The following RIMS2 variants were observed in gnomAD, a reference collection of about 807,000 sequenced individuals.
RIMS2 encodes regulating synaptic membrane exocytosis 2, also known as regulating synaptic membrane exocytosis protein 2.
Under a neutral mutation model 174.4 loss-of-function variants are expected in RIMS2, and 59 were observed. The ratio of observed to expected loss-of-function variants is 0.34; its 90% CI spans 0.27 to 0.42. RIMS2 has a LOEUF of 0.42. Ranked by LOEUF, RIMS2 falls within the 10% of genes least tolerant of loss-of-function variation. RIMS2 has a pLI of 1.00. For synonymous variants in RIMS2, 606 were observed against 572.5 expected, an observed-to-expected ratio of 1.06 and a Z score of -0.84; for missense variants, 1,620 against 1,666.3, an observed-to-expected ratio of 0.97 and a Z score of 0.48.
intron 16 of RIMS2, among the ~76,000 whole-genome samples, chr8:103,986,000 A>T (rs1316800487): frequency 6.6e-6 from 1 of 152,190 alleles, no homozygotes; most frequent in Non-Finnish European, 1.5e-5. Flanking sequence ...TTTCACTTAG[A>T]CAAGAGGAAT....
intron 20 of RIMS2, among the ~76,000 whole-genome samples, chr8:104,247,487 T>C (rs2099342042): frequency 6.6e-6 from 1 of 152,210 alleles, no homozygotes; most frequent in South Asian, 2.1e-4. Flanking sequence ...ACCTTCTCTC[T>C]TTAAAGGGCC....
chr8:103,516,222 A>G (rs1287194146), intron 1 of RIMS2, among the ~76,000 whole-genome samples: 3 of 152,118 alleles, frequency 2.0e-5, no homozygotes, highest in Non-Finnish European at 4.4e-5. Flanking sequence ...CCATAGCTTT[A>G]TGTGCTAACT....
At chr8:103,853,562 T>C (rs1031589592) in intron 3 of RIMS2, among the ~76,000 whole-genome samples, 2 of 152,056 alleles carry the variant, frequency 1.3e-5, no homozygotes, top group African/African-American at 4.8e-5. Flanking sequence ...TTTTTGCATA[T>C]GGTGAAAGGT....
At chr8:104,085,693 C>T (rs1016613610) in intron 19 of RIMS2, among the ~76,000 whole-genome samples, 1 of 152,082 alleles carries the variant, frequency 6.6e-6, no homozygotes, top group African/African-American at 2.4e-5. Context: ...CATTAAATGA[C>T]TAAGTAATAT....
chr8:103,533,678 A>AAG (rs1554605735), intron 1 of RIMS2, among the ~76,000 whole-genome samples: 5 of 147,894 alleles, frequency 3.4e-5, no homozygotes, highest in Non-Finnish European at 6.0e-5. Flanking sequence ...AAAAAAAAAA[A>AAG]AAAAGAAAAA....
chr8:104,223,693 C>T (rs1308377945), intron 19 of RIMS2: 6 of 1,592,210 alleles, frequency 3.8e-6, no homozygotes, highest in Non-Finnish European at 5.1e-6. Flanking sequence ...CTGCGGGGCG[C>T]TCCATGCAGC....
In RIMS2 at chr8:103,898,170, T is replaced by C. The variant is rs139330315; in HGVS notation, c.1624+11947T>C. 3.3e-3 allele frequency among the ~76,000 whole-genome samples: 494 copies of C among 151,776 alleles called. 6 individuals carry two copies. Among genetic ancestry groups the C allele is most frequent in the Non-Finnish European group, 5.1e-3 (346 of 67,994 alleles). On this transcript the variant is annotated intron_variant, in intron 4 of 23. Transcript: ENST00000504942. ...TCTTTGTAGGATTTACCTTCTACCCTCTAAAGAGTATATGACTAAACAAGA... is the reference window on the plus strand; with the variant it reads ...TCTTTGTAGGATTTACCTTCTACCCCCTAAAGAGTATATGACTAAACAAGA...
At chr8:103,792,501 A>G (rs62527099) in intron 3 of RIMS2, among the ~76,000 whole-genome samples, 1,838 of 152,282 alleles carry the variant, frequency 0.012, 24 homozygotes, top group Non-Finnish European at 0.021. Context: ...CTAACATCAC[A>G]ACTAAAAGAA....
chr8:103,606,322 T>C (rs1186714818), intron 1 of RIMS2, among the ~76,000 whole-genome samples: 42 of 151,244 alleles, frequency 2.8e-4, no homozygotes, highest in African/African-American at 1.0e-3. Flanking sequence ...TGAGTGAGAT[T>C]CTTAATCCTG....
intron 3 of RIMS2, among the ~76,000 whole-genome samples, chr8:103,808,897 G>T (rs1324646440): frequency 3.3e-5 from 5 of 152,148 alleles, no homozygotes; most frequent in Non-Finnish European, 7.4e-5. Context: ...GGGTATTTAT[G>T]GTTATATGTC....
At chr8:103,631,941 G>A (rs376109489) in intron 1 of RIMS2, among the ~76,000 whole-genome samples, 1 of 152,114 alleles carries the variant, frequency 6.6e-6, no homozygotes, top group African/African-American at 2.4e-5. Context: ...CATTGTTGGT[G>A]TATAAAAATA....
intron 19 of RIMS2, among the ~76,000 whole-genome samples, chr8:104,193,942 GT>G (rs2099010895): frequency 6.6e-6 from 1 of 152,018 alleles, no homozygotes; most frequent in African/African-American, 2.4e-5. Flanking sequence ...TTTTATTGTT[GT>G]TTTTCATTTG....
At chr8:103,505,594 G>A (rs1357365291) in intron 1 of RIMS2, among the ~76,000 whole-genome samples, 1 of 152,030 alleles carries the variant, frequency 6.6e-6, no homozygotes, top group African/African-American at 2.4e-5. Context: ...TTTCCTACAT[G>A]TATGAATGTA....
chr8:103,535,979 A>G (rs1284650299), intron 1 of RIMS2, among the ~76,000 whole-genome samples: 2 of 152,238 alleles, frequency 1.3e-5, no homozygotes, highest in Middle Eastern at 3.2e-3. Flanking sequence ...AGCCAAGTCC[A>G]TCTGTCTTCA....
At chr8:103,709,875 A>T (rs1013047022) in intron 2 of RIMS2, among the ~76,000 whole-genome samples, 1 of 152,102 alleles carries the variant, frequency 6.6e-6, no homozygotes, top group Non-Finnish European at 1.5e-5. Flanking sequence ...AGCCAGAGGC[A>T]ATACTCCCCA....
intron 1 of RIMS2, among the ~76,000 whole-genome samples, chr8:103,566,504 A>C (rs1269257042): frequency 6.6e-6 from 1 of 152,090 alleles, no homozygotes; most frequent in Non-Finnish European, 1.5e-5. Flanking sequence ...TAACATGTGT[A>C]CTCTCAGTTT....
chr8:103,632,840 TCTC>T (rs2095971532), intron 1 of RIMS2, among the ~76,000 whole-genome samples: 1 of 146,306 alleles, frequency 6.8e-6, no homozygotes, highest in South Asian at 2.2e-4. Context: ...TTCACGCCAT[TCTC>T]CTGCCTCAGC....
intron 19 of RIMS2, among the ~76,000 whole-genome samples, chr8:104,039,566 C>G (rs1308373874): frequency 6.6e-6 from 1 of 151,546 alleles, no homozygotes; most frequent in African/African-American, 2.4e-5. Context: ...ACAATAAGAT[C>G]TTTTCTTAGA....
At chr8:103,564,746 A>T (rs1486606022) in intron 1 of RIMS2, among the ~76,000 whole-genome samples, 2 of 152,146 alleles carry the variant, frequency 1.3e-5, no homozygotes, top group Non-Finnish European at 2.9e-5. Context: ...GATGGTGCCC[A>T]CCCAGATTGA....
Sources: gnomAD v4.1 joint callset for allele counts (sites outside exome capture counted in the v4.1 genomes callset) on GRCh38, gnomAD v4.1.1 for gene constraint, MANE v1.5 for transcripts, NCBI Gene and HGNC (gene_info 2026-07-23, HGNC 2026-07-21) for gene names.